Variants in RANBP2 observed in about 807,000 individuals in gnomAD.
The protein encoded by RANBP2 is RAN binding protein 2.
In RANBP2, 57 loss-of-function variants were observed where a neutral mutation model predicts 303.6. The ratio of observed to expected loss-of-function variants is 0.19; its 90% CI spans 0.15 to 0.23. The LOEUF (loss-of-function observed/expected upper bound fraction) is 0.23, where lower values mean the gene tolerates loss of function less well. Ranked by LOEUF, RANBP2 falls within the 10% of genes least tolerant of loss-of-function variation. The pLI, the probability that RANBP2 is intolerant of heterozygous loss-of-function variation, is 1.00. For synonymous variants in RANBP2, 1,167 were observed against 1,301.5 expected, an observed-to-expected ratio of 0.90 and a Z score of 2.23; for missense variants, 3,138 against 3,780.8, an observed-to-expected ratio of 0.83 and a Z score of 4.46.
At chr2:109,720,531 C>A in the RANBP2 span, among the ~76,000 whole-genome samples, 2 of 152,086 alleles carry the variant, frequency 1.3e-5, no homozygotes, top group Non-Finnish European at 2.9e-5. Flanking sequence ...TCTTATGCAC[C>A]ATGTGGGGCT....
chr2:108,749,042 A>G lies in RANBP2; in HGVS notation c.1186A>G (p.Lys396Glu), dbSNP rs1401100277. The G allele has an allele frequency of 6.2e-7, 1 of 1,611,996 alleles. No individual in the cohort carries two copies. The highest frequency in any genetic ancestry group is 1.1e-5 in the South Asian group (1 of 90,992). ...YDALFSSQSP[K>E]DTSFLGSDDI... ...TGCTCTGTTTTCTAGTCAGTCACCTAAGGATACATCTTTTCTTGGTAGCGA... is the reference window on the plus strand; with the variant it reads ...TGCTCTGTTTTCTAGTCAGTCACCTGAGGATACATCTTTTCTTGGTAGCGA... The change falls in exon 9 of 29, where the codon AAG becomes GAG. Residue 396 changes from lysine (K) to glutamate (E), a missense_variant. Around this residue, in one of 20 missense-constraint regions of RANBP2, gnomAD observed 95 missense variants for 86.4 expected, o/e 1.10. Coordinates refer to ENST00000283195, the MANE Select transcript of RANBP2 (RefSeq NM_006267.5).
At chr2:109,447,169 GAAAAGA>G in the RANBP2 span, among the ~76,000 whole-genome samples, 294 of 120,744 alleles carry the variant, frequency 2.4e-3, no homozygotes, top group African/African-American at 7.7e-3. Flanking sequence ...AAAAAAAAAA[GAAAAGA>G]AAAAGAAAAA....
At chr2:109,194,077 G>A in the RANBP2 span, among the ~76,000 whole-genome samples, 5 of 152,336 alleles carry the variant, frequency 3.3e-5, no homozygotes, top group South Asian at 8.3e-4. Context: ...TCCAGGTCAG[G>A]ATATTCTGAT....
the RANBP2 span, among the ~76,000 whole-genome samples, chr2:108,855,746 TTC>T: frequency 6.6e-6 from 1 of 152,186 alleles, no homozygotes; most frequent in Non-Finnish European, 1.5e-5. Flanking sequence ...TATTCTAAAC[TTC>T]TCATTCTTAA....
the RANBP2 span, among the ~76,000 whole-genome samples, chr2:109,186,409 C>G: frequency 6.6e-6 from 1 of 152,204 alleles, no homozygotes; most frequent in South Asian, 2.1e-4. Flanking sequence ...AGCCTCGATA[C>G]GAACCTGGGG....
chr2:109,486,776 G>A, the RANBP2 span, among the ~76,000 whole-genome samples: 2 of 152,126 alleles, frequency 1.3e-5, no homozygotes, highest in Non-Finnish European at 2.9e-5. Flanking sequence ...TGGTGGGGAG[G>A]GCCTTCCAGA....
At chr2:109,765,338 A>T in the RANBP2 span, among the ~76,000 whole-genome samples, 1 of 149,728 alleles carries the variant, frequency 6.7e-6, no homozygotes, top group Non-Finnish European at 1.5e-5. Context: ...AACGCTTATT[A>T]CTATGTGTGA....
chr2:108,840,423 A>G, the RANBP2 span, among the ~76,000 whole-genome samples: 4 of 152,138 alleles, frequency 2.6e-5, 1 homozygote, highest in East Asian at 5.8e-4. Flanking sequence ...TTCTTTAAAC[A>G]TTTGGTAGAA....
chr2:108,727,136 A>G (rs1161911033), intron 1 of RANBP2, among the ~76,000 whole-genome samples: 2 of 152,062 alleles, frequency 1.3e-5, no homozygotes, highest in Admixed American at 6.5e-5. Context: ...CCCGTTCTCA[A>G]TGAGCTGTTG....
chr2:109,114,816 G>A, the RANBP2 span, among the ~76,000 whole-genome samples: 1 of 152,168 alleles, frequency 6.6e-6, no homozygotes, highest in Non-Finnish European at 1.5e-5. Context: ...GTGTCCCAGA[G>A]ACTCTGGTAT....
At chr2:109,051,568 G>A in the RANBP2 span, among the ~76,000 whole-genome samples, 1 of 152,102 alleles carries the variant, frequency 6.6e-6, no homozygotes, top group Non-Finnish European at 1.5e-5. Flanking sequence ...TGGCATAAGT[G>A]AGCCTTAGAA....
chr2:109,049,492 C>T, the RANBP2 span, among the ~76,000 whole-genome samples: 1 of 152,168 alleles, frequency 6.6e-6, no homozygotes, highest in Admixed American at 6.5e-5. Context: ...GAGATGACCC[C>T]TCACCCCTCT....
chr2:109,265,673 T>C, the RANBP2 span, among the ~76,000 whole-genome samples: 1 of 152,208 alleles, frequency 6.6e-6, no homozygotes, highest in Non-Finnish European at 1.5e-5. Flanking sequence ...TGATTTGGGT[T>C]GAATTTATAG....
At chr2:109,227,863 T>C in the RANBP2 span, among the ~76,000 whole-genome samples, 1 of 152,220 alleles carries the variant, frequency 6.6e-6, no homozygotes, top group Admixed American at 6.5e-5. Flanking sequence ...TCGCTCCGCC[T>C]TTCATCGGTT....
the RANBP2 span, among the ~76,000 whole-genome samples, chr2:109,709,373 A>AAT: frequency 2.6e-4 from 40 of 151,754 alleles, no homozygotes; most frequent in Non-Finnish European, 4.1e-4. Context: ...AAAATAATAA[A>AAT]AATAACAAAA....
chr2:109,582,105 C>T, the RANBP2 span, among the ~76,000 whole-genome samples: 1 of 150,500 alleles, frequency 6.6e-6, no homozygotes, highest in African/African-American at 2.4e-5. Flanking sequence ...CACACACACA[C>T]ACACACACTC....
chr2:108,781,089 G>A (rs1481694964), intron 25 of RANBP2, among the ~76,000 whole-genome samples, 180 bp from the exon 26 acceptor site: 2 of 151,922 alleles, frequency 1.3e-5, no homozygotes, highest in South Asian at 2.1e-4. Context: ...AGGTGACCTC[G>A]GCCTCCCAAA....
chr2:109,035,158 G>A, the RANBP2 span, among the ~76,000 whole-genome samples: 1 of 152,186 alleles, frequency 6.6e-6, no homozygotes, highest in African/African-American at 2.4e-5. Flanking sequence ...TTAGATGTCA[G>A]ATCAAAAAGT....
At chr2:109,766,151 T>C in the RANBP2 span, among the ~76,000 whole-genome samples, 2 of 150,828 alleles carry the variant, frequency 1.3e-5, no homozygotes, top group Non-Finnish European at 2.9e-5. Context: ...GTGGCTCTCA[T>C]TGGCCCTCAG....
Sources: gnomAD v4.1 joint callset for allele counts (sites outside exome capture counted in the v4.1 genomes callset) on GRCh38, gnomAD v4.1.1 for gene constraint, gnomAD v4.1.1 regional missense constraint, MANE v1.5 for transcripts, NCBI Gene and HGNC (gene_info 2026-07-23, HGNC 2026-07-21) for gene names.